Variants in CSMD3 observed in about 807,000 individuals in gnomAD.
The protein encoded by CSMD3 is CUB and Sushi multiple domains 3.
In CSMD3, 177 loss-of-function variants were observed where a neutral mutation model predicts 435.2. The observed-to-expected ratio is 0.41, with a 90% CI of 0.36 to 0.46. The LOEUF is 0.46. CSMD3 is among the 20% of genes least tolerant of loss of function. The probability of loss-of-function intolerance (pLI) is 0.34; values close to 1 mark genes in which losing one functional copy is unlikely to be tolerated. For synonymous variants in CSMD3, 1,656 were observed against 1,520.5 expected (o/e 1.09, Z -2.07); for missense variants, 4,265 against 4,504.6 (o/e 0.95, Z 1.52).
intron 23 of CSMD3, among the ~76,000 whole-genome samples, chr8:112,584,474 A>T (rs1830565162): frequency 6.6e-6 from 1 of 151,600 alleles, no homozygotes; most frequent in African/African-American, 2.4e-5. Context: ...TGAGCAAGTG[A>T]GTGCCATCCT....
intron 5 of CSMD3, among the ~76,000 whole-genome samples, chr8:113,093,725 T>TC (rs2090077135): frequency 1.3e-5 from 2 of 152,156 alleles, no homozygotes; most frequent in Non-Finnish European, 2.9e-5. Flanking sequence ...ATTGACTAAA[T>TC]TTGTTAGTTT....
At chr8:112,881,844 A>G (rs528806822) in intron 10 of CSMD3, among the ~76,000 whole-genome samples, 1 of 151,976 alleles carries the variant, frequency 6.6e-6, no homozygotes, top group Non-Finnish European at 1.5e-5. Flanking sequence ...GGGTCAGTGA[A>G]TCCTAGGATA....
At chr8:113,195,788 A>ATT (rs1215070847) in intron 3 of CSMD3, among the ~76,000 whole-genome samples, 121 of 113,018 alleles carry the variant, frequency 1.1e-3, no homozygotes, top group Middle Eastern at 7.8e-3. Flanking sequence ...CATATCCTAT[A>ATT]TTTTATATAT....
intron 13 of CSMD3, among the ~76,000 whole-genome samples, chr8:112,704,571 C>T (rs1294559547): frequency 2.0e-5 from 3 of 151,944 alleles, no homozygotes; most frequent in South Asian, 2.1e-4. Context: ...TGCTGCAACC[C>T]GATGATTATC....
intron 28 of CSMD3, among the ~76,000 whole-genome samples, chr8:112,516,282 C>T (rs942921012): frequency 1.3e-5 from 2 of 152,076 alleles, no homozygotes; most frequent in African/African-American, 4.8e-5. Flanking sequence ...ATAAAATTTT[C>T]AGTAGAGAAA....
intron 6 of CSMD3, among the ~76,000 whole-genome samples, chr8:112,988,377 C>G (rs2085329942): frequency 6.6e-6 from 1 of 152,012 alleles, no homozygotes; most frequent in Admixed American, 6.6e-5. Context: ...CAACATATCT[C>G]AATAGCTTAT....
chr8:113,112,464 C>G (rs2090685444), intron 4 of CSMD3, among the ~76,000 whole-genome samples: 1 of 54,360 alleles, frequency 1.8e-5, no homozygotes, highest in Non-Finnish European at 3.1e-5. Context: ...TACACACACA[C>G]ACACACACGT....
chr8:113,034,552 G>A (rs1266378294), intron 5 of CSMD3, among the ~76,000 whole-genome samples: 1 of 152,118 alleles, frequency 6.6e-6, no homozygotes, highest in Non-Finnish European at 1.5e-5. Flanking sequence ...GAGATGGGGA[G>A]TTACTGCTAG....
At chr8:112,657,735 T>A (rs900508313) in intron 17 of CSMD3, among the ~76,000 whole-genome samples, 1 of 152,304 alleles carries the variant, frequency 6.6e-6, no homozygotes, top group South Asian at 2.1e-4. Flanking sequence ...AAAATTCTTT[T>A]CCTTGCTTTA....
At chr8:112,260,911 A>G (rs1443221075) in intron 61 of CSMD3, among the ~76,000 whole-genome samples, 1 of 152,154 alleles carries the variant, frequency 6.6e-6, no homozygotes, top group African/African-American at 2.4e-5. Flanking sequence ...CCACTACTCA[A>G]TATATCTATG....
At chr8:112,612,702 C>G (rs149702874) in intron 22 of CSMD3, among the ~76,000 whole-genome samples, 2,587 of 91,958 alleles carry the variant, frequency 0.028, 93 homozygotes, top group African/African-American at 0.092. Flanking sequence ...CTCTTTCTTT[C>G]TTTGTTCTTT....
intron 13 of CSMD3, among the ~76,000 whole-genome samples, chr8:112,747,976 A>C (rs946273167): frequency 2.6e-5 from 4 of 151,748 alleles, no homozygotes; most frequent in African/African-American, 4.8e-5. Context: ...AAAAAAAAAA[A>C]AAAAAAAAAA....
chr8:113,390,991 A>C (rs2094459110), intron 1 of CSMD3, among the ~76,000 whole-genome samples: 1 of 151,958 alleles, frequency 6.6e-6, no homozygotes, highest in Admixed American at 6.6e-5. Flanking sequence ...TCATGTTGTC[A>C]ACAGCACTGG....
At chr8:113,225,799 T>A (rs1186656017) in intron 3 of CSMD3, among the ~76,000 whole-genome samples, 1 of 151,468 alleles carries the variant, frequency 6.6e-6, no homozygotes, top group Non-Finnish European at 1.5e-5. Flanking sequence ...TTTAATCAGG[T>A]TAGTGTTTGA....
At chr8:112,244,603 T>G (rs911215362) in intron 64 of CSMD3, 30 bp from the exon 65 acceptor site, 8 of 1,600,806 alleles carry the variant, frequency 5.0e-6, no homozygotes, top group Non-Finnish European at 6.8e-6. Context: ...CAATGTAAAT[T>G]TTCTATAGAT....
At chr8:113,179,108 A>G (rs1388262144) in intron 3 of CSMD3, among the ~76,000 whole-genome samples, 1 of 151,788 alleles carries the variant, frequency 6.6e-6, no homozygotes, top group African/African-American at 2.4e-5. Context: ...GATAAAACGG[A>G]TTATCAAAAT....
At chr8:113,002,968 G>A (rs1241150133) in intron 6 of CSMD3, among the ~76,000 whole-genome samples, 13 of 152,000 alleles carry the variant, frequency 8.6e-5, no homozygotes, top group African/African-American at 1.2e-4. Context: ...GGCCAGGCAC[G>A]GTGGTTCACG....
At chr8:112,351,120 CT>C (rs201565194) in intron 40 of CSMD3, 54 bp downstream of exon 40, 885 of 1,051,282 alleles carry the variant, frequency 8.4e-4, no homozygotes, top group African/African-American at 6.8e-3. Context: ...ACTTTATAGT[CT>C]TTTTTTTTAC....
chr8:112,889,630 T>C (rs754609547), intron 10 of CSMD3, among the ~76,000 whole-genome samples: 12 of 151,648 alleles, frequency 7.9e-5, no homozygotes, highest in African/African-American at 1.7e-4. Context: ...AAACTTCAAA[T>C]TGAATTAAGA....
Sources: allele counts gnomAD v4.1 joint callset (sites outside exome capture counted in the v4.1 genomes callset), GRCh38; gene constraint gnomAD v4.1.1; transcripts MANE v1.5; gene names NCBI Gene and HGNC (gene_info 2026-07-23, HGNC 2026-07-21).